PPP2R2B: variants seen among roughly 807,000 people sequenced by gnomAD.
PPP2R2B encodes serine/threonine-protein phosphatase 2A 55 kDa regulatory subunit B beta isoform.
In PPP2R2B, 5 loss-of-function variants were observed where a neutral mutation model predicts 46.0. The observed-to-expected ratio is 0.11, with a 90% CI of 0.06 to 0.23. The LOEUF (loss-of-function observed/expected upper bound fraction) is 0.23. PPP2R2B is among the 10% of genes least tolerant of loss of function. PPP2R2B has a pLI of 1.00. For missense variants in PPP2R2B, 367 were observed against 575.0 expected (o/e 0.64, Z 3.70); for synonymous variants, 215 against 206.7 (o/e 1.04, Z -0.34).
chr5:146,707,775 A>C (rs1445571384), intron 2 of PPP2R2B, among the ~76,000 whole-genome samples: 1 of 152,220 alleles, frequency 6.6e-6, no homozygotes, highest in Non-Finnish European at 1.5e-5. Context: ...TTTCCTTTAC[A>C]ATCTGACTCT....
At chr5:146,711,512 C>A (rs1374373277) in intron 2 of PPP2R2B, among the ~76,000 whole-genome samples, 1 of 152,064 alleles carries the variant, frequency 6.6e-6, no homozygotes, top group African/African-American at 2.4e-5. Flanking sequence ...TCCTAAAAAG[C>A]CTTTGCAGCA....
At chr5:147,073,401 T>G (rs1757662414) in intron 2 of PPP2R2B, among the ~76,000 whole-genome samples, 1 of 152,180 alleles carries the variant, frequency 6.6e-6, no homozygotes, top group Admixed American at 6.5e-5. Flanking sequence ...GAAAAAATGC[T>G]TTCATCTTGC....
chr5:146,972,296 T>A (rs1752694366), intron 1 of PPP2R2B, among the ~76,000 whole-genome samples: 1 of 152,192 alleles, frequency 6.6e-6, no homozygotes, highest in Non-Finnish European at 1.5e-5. Flanking sequence ...TTATCACTGG[T>A]GATGTTCACC....
chr5:146,707,027 TGAG>T (rs1249739706), intron 2 of PPP2R2B: 1 of 1,058,494 alleles, frequency 9.4e-7, no homozygotes, highest in African/African-American at 1.5e-5. Flanking sequence ...TCCTTCTTGA[TGAG>T]GACAAATTCA....
intron 6 of PPP2R2B, among the ~76,000 whole-genome samples, chr5:146,645,082 G>A (rs1775489404): frequency 6.6e-6 from 1 of 152,182 alleles, no homozygotes; most frequent in Admixed American, 6.5e-5. Context: ...AAGCAGCTGA[G>A]GCTTTTCATA....
intron 1 of PPP2R2B, among the ~76,000 whole-genome samples, chr5:146,956,482 C>T (rs1279975003): frequency 6.6e-6 from 1 of 152,114 alleles, no homozygotes; most frequent in Non-Finnish European, 1.5e-5. Context: ...AAAATATATC[C>T]AACTCAGCCA....
At chr5:146,903,248 C>T (rs549393212) in intron 1 of PPP2R2B, among the ~76,000 whole-genome samples, 1 of 152,178 alleles carries the variant, frequency 6.6e-6, no homozygotes, top group South Asian at 2.1e-4. Flanking sequence ...TGTCAATAGA[C>T]ATTAACCACA....
intron 6 of PPP2R2B, among the ~76,000 whole-genome samples, chr5:146,643,182 ACG>A (rs1491247269): frequency 3.4e-5 from 5 of 148,504 alleles, no homozygotes; most frequent in Non-Finnish European, 1.5e-5. Context: ...ACACACACAC[ACG>A]AGAGAGAGAG....
At chr5:146,622,100 A>G (rs1452157091) in intron 7 of PPP2R2B, among the ~76,000 whole-genome samples, 1 of 152,166 alleles carries the variant, frequency 6.6e-6, no homozygotes, top group Non-Finnish European at 1.5e-5. Context: ...CTGGGGAGGC[A>G]AAGATGGGAA....
chr5:147,081,245 A>T (rs1414935136), intron 1 of PPP2R2B: 17 of 1,535,546 alleles, frequency 1.1e-5, no homozygotes, highest in Non-Finnish European at 1.5e-5. Flanking sequence ...TTCTAAAAGG[A>T]GACTTGCACA....
chr5:146,733,825 T>C (rs1277791007), intron 2 of PPP2R2B, among the ~76,000 whole-genome samples: 3 of 152,150 alleles, frequency 2.0e-5, no homozygotes, highest in African/African-American at 7.2e-5. Context: ...ATATATGTGC[T>C]GGAAAGTACT....
At position 147,055,552 on chromosome 5, in the gene PPP2R2B, G is replaced by A. The variant is rs908684435; in HGVS notation, c.79+113C>T. On this transcript the variant is annotated intron_variant, in intron 1 of 8. Coordinates refer to the PPP2R2B transcript ENST00000336640. ...GTCTGTTGGATACAAGCTTTTGCCA[G>A]GAATGACAGTCACCTAGTAGCTACA... The A allele has an allele frequency of 3.3e-6, 3 of 909,098 alleles. No individual in the cohort carries two copies. In the African/African-American group the frequency reaches 5.0e-5, roughly 15 times the overall value. The allele number at this position is 909,098 out of a possible 1,614,324, so 56.3% of individuals were successfully genotyped here.
chr5:146,893,120 C>T (rs147923024), intron 1 of PPP2R2B, among the ~76,000 whole-genome samples: 1 of 152,294 alleles, frequency 6.6e-6, no homozygotes, highest in East Asian at 1.9e-4. Flanking sequence ...CATTTATTCC[C>T]TCGTGATGTG....
rs564965091 is a variant in PPP2R2B, at chr5:146,997,658, G to T, written c.79+58007C>A. 9.9e-5 allele frequency among the ~76,000 whole-genome samples: 15 copies of T among 152,246 alleles called. No homozygotes were observed. The South Asian group carries it at 2.7e-3, about 27-fold the overall frequency. ...AGGAAAAATACTACTGCTAAATAAT[G>T]CATGAATATATTCATTATTTTAAGC... On this transcript the variant is annotated intron_variant, in intron 1 of 8. Coordinates refer to the PPP2R2B transcript ENST00000336640.
At chr5:146,967,620 A>T (rs1752483976) in intron 1 of PPP2R2B, among the ~76,000 whole-genome samples, 1 of 152,080 alleles carries the variant, frequency 6.6e-6, no homozygotes, top group Admixed American at 6.6e-5. Flanking sequence ...TCCTTTGCTG[A>T]CATCAGGTAA....
chr5:146,939,994 GTAT>G lies in PPP2R2B; in HGVS notation c.79+115668_79+115670del, dbSNP rs528970004. Among the ~76,000 whole-genome samples, 512 of 152,208 alleles carry G rather than the reference GTAT, an allele frequency of 3.4e-3. 3 individuals carry two copies. Among genetic ancestry groups the G allele is most frequent in the African/African-American group, 0.012 (478 of 41,520 alleles). Reference sequence around the variant, plus strand: ...TTTGTAATCTTTGAATATTTACATAGTATCTATCTACCTACACCTATTTTTTAT... The same window carrying G: ...TTTGTAATCTTTGAATATTTACATAGCTATCTACCTACACCTATTTTTTAT... On this transcript the variant is annotated intron_variant, in intron 1 of 8. Transcript: ENST00000336640.
intron 2 of PPP2R2B, among the ~76,000 whole-genome samples, chr5:146,865,466 C>G (rs981898500): frequency 1.1e-4 from 16 of 152,262 alleles, no homozygotes; most frequent in Admixed American, 1.0e-3. Flanking sequence ...ACTTTATTCT[C>G]TTAAAGGATC....
intron 5 of PPP2R2B, among the ~76,000 whole-genome samples, chr5:146,668,642 C>A (rs1260498597): frequency 6.6e-6 from 1 of 152,126 alleles, no homozygotes; most frequent in African/African-American, 2.4e-5. Flanking sequence ...TCACTAAAAC[C>A]CTGAGATCTT....
chr5:146,705,436 A>G (rs1272357300), intron 2 of PPP2R2B, among the ~76,000 whole-genome samples: 1 of 152,154 alleles, frequency 6.6e-6, no homozygotes, highest in Non-Finnish European at 1.5e-5. Flanking sequence ...ATTAATGGGT[A>G]ATGAATCTGG....
Sources: allele counts gnomAD v4.1 joint callset (sites outside exome capture counted in the v4.1 genomes callset), GRCh38; gene constraint gnomAD v4.1.1; transcripts MANE v1.5; gene names NCBI Gene and HGNC (gene_info 2026-07-23, HGNC 2026-07-21).